The following ABCG1 variants were observed in gnomAD, a reference collection of about 807,000 sequenced individuals.
ABCG1 encodes ATP binding cassette subfamily G member 1, also known as ATP-binding cassette sub-family G member 1.
In ABCG1, 29 loss-of-function variants were observed where a neutral mutation model predicts 69.2. The ratio of observed to expected loss-of-function variants is 0.42; its 90% CI spans 0.31 to 0.57. The LOEUF is 0.57. ABCG1 is among the 20% of genes least tolerant of loss of function. The probability of loss-of-function intolerance (pLI) is 0.15; values close to 1 mark genes in which losing one functional copy is unlikely to be tolerated. For synonymous variants in ABCG1, 370 were observed against 374.8 expected (o/e 0.99, Z 0.15); for missense variants, 718 against 898.1 (o/e 0.80, Z 2.56).
intron 13 of ABCG1, among the ~76,000 whole-genome samples, chr21:42,292,311 C>A (rs1369090704): frequency 6.6e-6 from 1 of 152,096 alleles, no homozygotes; most frequent in Non-Finnish European, 1.5e-5. Flanking sequence ...AGCTCCCTGG[C>A]CTCCAGGGCC....
At chr21:42,225,999 G>T in intron 2 of ABCG1, 85 bp downstream of exon 2, 1 of 1,488,736 alleles carries the variant, frequency 6.7e-7, no homozygotes. Context: ...TCGGGGTCTG[G>T]AGGTTGAGAG....
chr21:42,273,524 G>T lies in ABCG1; in HGVS notation c.537+89G>T. On this transcript the variant is annotated intron_variant, in intron 4 of 14. Transcript: ENST00000398449. The surrounding 1 kb of genome is among the most constrained non-coding windows in gnomAD (Gnocchi z 5.3). Reference sequence around the variant, plus strand: ...CACAGCACTGGCCGAGTGCCCAGCTGCGAGGGACCCAAGGGCTCTGCCACG... The same window carrying T: ...CACAGCACTGGCCGAGTGCCCAGCTTCGAGGGACCCAAGGGCTCTGCCACG... The T allele has an allele frequency of 1.4e-6, 2 of 1,473,960 alleles. No individual in the cohort carries two copies. Among genetic ancestry groups the T allele is most frequent in the Non-Finnish European group, 1.8e-6 (2 of 1,094,066 alleles). 91.3% of individuals were successfully genotyped at this position (1,473,960 alleles called of 1,614,324 possible).
chr21:42,295,081 G>A (rs2069177757), intron 14 of ABCG1: 2 of 173,214 alleles, frequency 1.2e-5, no homozygotes, highest in Non-Finnish European at 2.5e-5. Flanking sequence ...AGCACTTTGG[G>A]AGGCTGAGGC....
At chr21:42,221,405 T>A (rs1488703948) in intron 1 of ABCG1, 1 of 152,236 alleles carries the variant, frequency 6.6e-6, no homozygotes, top group African/African-American at 2.4e-5. Context: ...CTGGGGTCCA[T>A]CCTGGTGTGG....
chr21:42,291,727 G>T lies in ABCG1; in HGVS notation c.1653+71G>T. The T allele has an allele frequency of 6.8e-7, 1 of 1,471,964 alleles. No homozygotes were observed. The highest frequency in any genetic ancestry group is 1.3e-5 in the South Asian group (1 of 75,592). 91.2% of individuals were successfully genotyped at this position (1,471,964 alleles called of 1,614,324 possible). A position where few individuals can be genotyped will look rare whatever the true frequency, so the allele number is the denominator to read the frequency against. On this transcript the variant is annotated intron_variant, in intron 13 of 14. Transcript: ENST00000398449. The surrounding 1 kb of genome is among the most constrained non-coding windows in gnomAD (Gnocchi z 6.4). ...CCCTGAGCTACCTTGGCCTGAGCTA[G>T]GGGGCTCTGCCACCCCTTCCCCTAC... is the stretch of plus-strand genomic sequence containing the variant.
chr21:42,262,124 G>C (rs146005023), intron 2 of ABCG1, among the ~76,000 whole-genome samples: 1 of 152,250 alleles, frequency 6.6e-6, no homozygotes, highest in East Asian at 1.9e-4. Flanking sequence ...CAGATCCCTT[G>C]GTTGCTGGGC....
At position 42,287,938 on chromosome 21, in the gene ABCG1, G is replaced by A. The variant is rs752539817; in HGVS notation, c.1023G>A (p.Val341=). Residue 341 remains valine (V), a synonymous_variant, in exon 9 of 15, where the codon GTG becomes GTA. Transcript: ENST00000398449. This position sits in a 1 kb window ranked among gnomAD's most constrained non-coding sequence, Gnocchi z 6.2. The stretch of plus-strand genomic sequence containing the variant: ...ACGGTGATCAGAACAGTCGGCTGGT[G>A]AGAGCGGTTCGGGAGGGCATGTGTG... The part of the protein sequence containing the change: ...GEYGDQNSRL[V]RAVREGMCDS... 3 of 1,612,918 alleles carry A rather than the reference G, an allele frequency of 1.9e-6. No homozygotes were observed. The highest frequency in any genetic ancestry group is 2.5e-6 in the Non-Finnish European group (3 of 1,179,182).
chr21:42,202,267 A>G (rs887654294), intron 2 of ABCG1, among the ~76,000 whole-genome samples: 1 of 152,142 alleles, frequency 6.6e-6, no homozygotes. Flanking sequence ...TAAATATGTA[A>G]ATTCAGATGG....
chr21:42,235,281 G>T (rs981625831), intron 2 of ABCG1, among the ~76,000 whole-genome samples: 3 of 152,220 alleles, frequency 2.0e-5, no homozygotes, highest in African/African-American at 7.2e-5. Flanking sequence ...ATGCTGGTGT[G>T]GTGTCCGCAG....
At chr21:42,240,354 T>A in intron 2 of ABCG1, among the ~76,000 whole-genome samples, 1 of 152,254 alleles carries the variant, frequency 6.6e-6, no homozygotes, top group East Asian at 1.9e-4. Flanking sequence ...TGAGATCATA[T>A]GAAACAGCCA....
In ABCG1 at chr21:42,224,807, AT is replaced by A. The variant is rs376774865; in HGVS notation, c.43-861del. On this transcript the variant is annotated intron_variant, in intron 1 of 14. Coordinates refer to ENST00000398449, the MANE Select transcript of ABCG1 (RefSeq NM_016818.3). Reference sequence around the variant, plus strand: ...GGTTGCCAGGCCATTGAAAAAGGGTATTTCTTTCTTTGCATAGGTACTTCTG... The same window carrying A: ...GGTTGCCAGGCCATTGAAAAAGGGTATTCTTTCTTTGCATAGGTACTTCTG... 9.5e-4 allele frequency among the ~76,000 whole-genome samples: 144 copies of A among 152,112 alleles called. 3 individuals carry two copies. The highest frequency in any genetic ancestry group is 3.3e-3 in the African/African-American group (138 of 41,476).
chr21:42,281,959 G>A (rs1043594116), intron 5 of ABCG1, among the ~76,000 whole-genome samples: 2 of 152,238 alleles, frequency 1.3e-5, no homozygotes, highest in Admixed American at 1.3e-4. Context: ...CGTGCCCTGG[G>A]CACCTGCCAG....
chr21:42,209,200 T>C (rs2067567204), intron 2 of ABCG1, among the ~76,000 whole-genome samples: 1 of 152,146 alleles, frequency 6.6e-6, no homozygotes, highest in African/African-American at 2.4e-5. Context: ...AGGAGCTGCC[T>C]CTGAGGGACC....
intron 2 of ABCG1, among the ~76,000 whole-genome samples, chr21:42,255,846 A>G (rs1398971249): frequency 6.6e-6 from 1 of 152,236 alleles, no homozygotes; most frequent in East Asian, 1.9e-4. Context: ...CCTGGGGAAC[A>G]GCACCCTGAG....
At chr21:42,216,376 G>GC (rs4148143), upstream of ABCG1, among the ~76,000 whole-genome samples, 20,934 of 152,164 alleles carry the variant, frequency 0.14, 1,699 homozygotes, top group East Asian at 0.24. Context: ...AGCTCCCCTT[G>GC]CCTGGTTGAT....
At chr21:42,252,123 G>C (rs1035553844) in intron 2 of ABCG1, among the ~76,000 whole-genome samples, 1 of 152,228 alleles carries the variant, frequency 6.6e-6, no homozygotes, top group Non-Finnish European at 1.5e-5. Context: ...GGTTTGATGA[G>C]AGCATCTGTG....
chr21:42,286,908 C>T (rs1297278579), intron 8 of ABCG1, among the ~76,000 whole-genome samples: 3 of 152,136 alleles, frequency 2.0e-5, no homozygotes, highest in East Asian at 3.9e-4. Flanking sequence ...GGCCTGGAAA[C>T]ATTGCCTGGC....
In ABCG1 at chr21:42,231,918, C is replaced by T. The variant is rs545395788; in HGVS notation, c.286+6004C>T. Reference sequence around the variant, plus strand: ...GCTGACCCCTGGTGCAGTGTCGTGGCCCCAGGCCACTTGCAGGGATGGCTT... The same window carrying T: ...GCTGACCCCTGGTGCAGTGTCGTGGTCCCAGGCCACTTGCAGGGATGGCTT... On this transcript the variant is annotated intron_variant, in intron 2 of 14. Transcript: ENST00000398449. Among the ~76,000 whole-genome samples the T allele has an allele frequency of 3.9e-5, 6 of 152,348 alleles. No individual in the cohort carries two copies. The East Asian group carries it at 1.2e-3, about 29-fold the overall frequency.
Position 42,219,631 on chromosome 21 carries a change from C to G in ABCG1, c.42+327C>G, listed in dbSNP as rs9975154. On this transcript the variant is annotated intron_variant, in intron 1 of 14. Coordinates refer to ENST00000398449, the MANE Select transcript of ABCG1 (RefSeq NM_016818.3). The surrounding 1 kb of genome is among the most constrained non-coding windows in gnomAD (Gnocchi z 5.3). ...GCTTCTGGGCGGGGGGCGTGGGGAG[C>G]TGGGGACCCGGAGCGCACTGGGGAC... Among the ~76,000 whole-genome samples, 20,689 of 151,556 alleles carry G rather than the reference C, an allele frequency of 0.14. 1,684 individuals are homozygous for G. The highest frequency in any genetic ancestry group is 0.24 in the East Asian group (1,199 of 5,098).
Sources: allele counts gnomAD v4.1 joint callset (sites outside exome capture counted in the v4.1 genomes callset), GRCh38; gene constraint gnomAD v4.1.1; non-coding constraint Gnocchi (gnomAD v3.1); transcripts MANE v1.5; gene names NCBI Gene and HGNC (gene_info 2026-07-23, HGNC 2026-07-21).